The following GPSM1 variants were observed in gnomAD, a reference collection of about 807,000 sequenced individuals.
GPSM1 encodes the protein G protein signaling modulator 1.
In GPSM1, 48 loss-of-function variants were observed where a neutral mutation model predicts 70.5. The ratio of observed to expected loss-of-function variants is 0.68; its 90% CI spans 0.54 to 0.87. The LOEUF is 0.87. Among genes scored for constraint, GPSM1 ranks in the 40% least tolerant of loss-of-function variants. The probability of loss-of-function intolerance (pLI) is 0.00; values close to 1 mark genes in which losing one functional copy is unlikely to be tolerated. For synonymous variants in GPSM1, 416 were observed against 430.1 expected, an observed-to-expected ratio of 0.97 and a Z score of 0.41; for missense variants, 981 against 972.6, an observed-to-expected ratio of 1.01 and a Z score of -0.11.
At chr9:136,338,738 A>G (rs1832314308) in intron 7 of GPSM1, 28 bp downstream of exon 7, 1 of 1,524,182 alleles carries the variant, frequency 6.6e-7, no homozygotes, top group African/African-American at 1.4e-5. Context: ...CGGCGGGCAG[A>G]CCCGGCCCGG....
intron 3 of GPSM1, 99 bp from the exon 4 acceptor site, chr9:136,336,822 C>A: frequency 8.3e-7 from 1 of 1,211,458 alleles, no homozygotes; most frequent in Non-Finnish European, 1.1e-6. Flanking sequence ...AAGGCCCTCG[C>A]TGTCGAGGGC....
Position 136,358,818 on chromosome 9 carries a change from C to A in GPSM1, c.*598C>A, listed in dbSNP as rs1832917466. 6.4e-6 allele frequency: 1 copy of A among 156,430 alleles called. No homozygotes were observed. Among genetic ancestry groups the A allele is most frequent in the Non-Finnish European group, 1.4e-5 (1 of 71,310 alleles). 9.7% of individuals were successfully genotyped at this position (156,430 alleles called of 1,614,324 possible). On this transcript the variant is annotated 3_prime_UTR_variant, in exon 14 of 14. Transcript: ENST00000440944. The stretch of plus-strand genomic sequence containing the variant: ...GGCTGCAGTGGCAGCCCTGAGGTGC[C>A]CCCCGCCGAGTCCCAGGGCCCTGCA...
rs1440764295 is a variant in GPSM1, at chr9:136,344,191, G to T, written c.1207+3198G>T. ...GGGGGGAGGCGCGGACAGGAGCGGGGGGAGGCGCGGACAGGAGCGGGGTGG... is the reference window on the plus strand; with the variant it reads ...GGGGGGAGGCGCGGACAGGAGCGGGTGGAGGCGCGGACAGGAGCGGGGTGG... On this transcript the variant is annotated intron_variant, in intron 9 of 13. Transcript: ENST00000440944. Among the ~76,000 whole-genome samples, 4 of 149,070 alleles carry T rather than the reference G, an allele frequency of 2.7e-5. No individual in the cohort carries two copies. In the East Asian group the frequency reaches 8.0e-4, roughly 30 times the overall value.
Position 136,327,768 on chromosome 9 carries a change from G to T in GPSM1, c.68+5G>T. On this transcript the variant is annotated splice_donor_5th_base_variant and intron_variant, in intron 1 of 13. Coordinates refer to ENST00000440944, the MANE Select transcript of GPSM1 (RefSeq NM_001145638.3). The stretch of plus-strand genomic sequence containing the variant: ...CGCCAGGCGCCTCTACTCCAGGTAG[G>T]ACGGGCCGGGGCCGGGGCCGGGGCC... 1 of 1,155,366 alleles carries T rather than the reference G, an allele frequency of 8.7e-7. No individual in the cohort carries two copies. The highest frequency in any genetic ancestry group is 1.1e-6 in the Non-Finnish European group (1 of 932,114). 71.6% of individuals were successfully genotyped at this position (1,155,366 alleles called of 1,614,324 possible).
At chr9:136,345,008 T>G (rs1832486613) in intron 9 of GPSM1, among the ~76,000 whole-genome samples, 1 of 149,020 alleles carries the variant, frequency 6.7e-6, no homozygotes, top group African/African-American at 2.5e-5. Context: ...TCCAGGGAGG[T>G]GAGGAGGGGT....
At chr9:136,337,756 G>C (rs1015492555) in intron 5 of GPSM1, 90 bp from the exon 6 acceptor site, 2 of 1,113,358 alleles carry the variant, frequency 1.8e-6, no homozygotes, top group East Asian at 5.0e-5. Flanking sequence ...ATCTCTGGCC[G>C]GCCACCTGGG....
At chr9:136,335,095 G>A (rs942671730) in intron 2 of GPSM1, among the ~76,000 whole-genome samples, 4 of 152,162 alleles carry the variant, frequency 2.6e-5, no homozygotes, top group Non-Finnish European at 5.9e-5. Flanking sequence ...GCTGTGACCC[G>A]CGTGCTGTGC....
At chr9:136,337,808 T>C (rs2131398245) in intron 5 of GPSM1, 38 bp from the exon 6 acceptor site, 1 of 1,501,526 alleles carries the variant, frequency 6.7e-7, no homozygotes, top group Non-Finnish European at 9.3e-7. Context: ...GCCCCGGGGC[T>C]GCGCCATGAC....
rs184353876 is a variant in GPSM1 at position 136,329,299 on chromosome 9, C to A, written c.68+1536C>A. 5.3e-5 allele frequency among the ~76,000 whole-genome samples: 8 copies of A among 152,270 alleles called. No individual in the cohort carries two copies. The South Asian group carries it at 1.7e-3, about 32-fold the overall frequency. On this transcript the variant is annotated intron_variant, in intron 1 of 13. Coordinates refer to ENST00000440944, the MANE Select transcript of GPSM1 (RefSeq NM_001145638.3). The stretch of plus-strand genomic sequence containing the variant: ...AGCAGGGCCTGTGACGAGGTCCCCC[C>A]GGGAGTCTGCACCCCACCGTGTAGC...
intron 11 of GPSM1, among the ~76,000 whole-genome samples, chr9:136,352,679 A>G (rs1832703978): frequency 6.6e-6 from 1 of 152,202 alleles, no homozygotes; most frequent in South Asian, 2.1e-4. Context: ...CAACCCGCCC[A>G]GGTCCTCTGC....
At chr9:136,345,514 G>A (rs1554771137) in intron 9 of GPSM1, among the ~76,000 whole-genome samples, 2 of 152,224 alleles carry the variant, frequency 1.3e-5, no homozygotes, top group African/African-American at 2.4e-5. Flanking sequence ...CGCAGGCTGT[G>A]TCTCAGAAGA....
chr9:136,345,212 A>G (rs1832492746), intron 9 of GPSM1, among the ~76,000 whole-genome samples: 1 of 152,214 alleles, frequency 6.6e-6, no homozygotes, highest in African/African-American at 2.4e-5. Flanking sequence ...GCCATTGCAC[A>G]TAAACGTCTG....
At position 136,338,726 on chromosome 9, in the gene GPSM1, C is replaced by T. The variant is rs185595283; in HGVS notation, c.974+16C>T. On this transcript the variant is annotated intron_variant, in intron 7 of 13. Coordinates refer to ENST00000440944, the MANE Select transcript of GPSM1 (RefSeq NM_001145638.3). ...TGGCCGACAGGTGCGTGGGCGCGGA[C>T]GCGGCGGGCAGACCCGGCCCGGCCC... 4.1e-4 allele frequency: 635 copies of T among 1,535,808 alleles called. 2 individuals are homozygous for T. The highest frequency in any genetic ancestry group is 3.8e-3 in the Middle Eastern group (18 of 4,712).
rs1231552672 is a variant in GPSM1 at position 136,327,684 on chromosome 9, C to T, written c.-12C>T. 1.4e-4 allele frequency: 154 copies of T among 1,088,540 alleles called. No homozygotes were observed. Among genetic ancestry groups the T allele is most frequent in the Non-Finnish European group, 1.7e-4 (148 of 890,802 alleles). The allele number at this position is 1,088,540 out of a possible 1,614,324, so 67.4% of individuals were successfully genotyped here. ...GGGGCGCTCCCGGCTCCCGCTCCCG[C>T]GTCCCCGACCCATGGCGGGCCCGGC... is the stretch of plus-strand genomic sequence containing the variant. On this transcript the variant is annotated 5_prime_UTR_variant, in exon 1 of 14. Transcript: ENST00000440944.
chr9:136,358,115 G>A lies in GPSM1; in HGVS notation c.1923G>A (p.Gln641=), dbSNP rs782038333. 1 of 1,612,412 alleles carries A rather than the reference G, an allele frequency of 6.2e-7. No homozygotes were observed. The highest frequency in any genetic ancestry group is 8.5e-7 in the Non-Finnish European group (1 of 1,179,682). The change falls in exon 14 of 14, where the codon CAG becomes CAA. Residue 641 remains glutamine, a synonymous_variant. Transcript: ENST00000440944. ...EDFFSLIQRV[Q]AKRMDEQRVD... is the part of the protein sequence containing the mutation. ...TCTTCAGCCTCATTCAGAGGGTGCA[G>A]GCTAAGCGCATGGACGAGCAGCGGG...
intron 11 of GPSM1, 68 bp downstream of exon 11, chr9:136,349,831 C>T: frequency 7.0e-7 from 1 of 1,433,722 alleles, no homozygotes; most frequent in Non-Finnish European, 9.3e-7. Context: ...CCCAACTCCA[C>T]TGCCAGCCAA....
intron 9 of GPSM1, among the ~76,000 whole-genome samples, chr9:136,345,725 G>A (rs1456448208): frequency 6.6e-6 from 1 of 152,162 alleles, no homozygotes; most frequent in Non-Finnish European, 1.5e-5. Context: ...CGGGGCTCTC[G>A]CTGGGTGTGG....
rs1554769707 is a variant in GPSM1, at chr9:136,338,695, A to G, written c.959A>G (p.Gln320Arg). 1.9e-6 allele frequency: 3 copies of G among 1,559,522 alleles called. No individual in the cohort carries two copies. Among genetic ancestry groups the G allele is most frequent in the Non-Finnish European group, 2.6e-6 (3 of 1,153,490 alleles). Residue 320 changes from glutamine (Q) to arginine (R), a missense_variant, in exon 7 of 14, where the codon CAG becomes CGG. By Grantham distance (43) the Gln-to-Arg change is conservative. Transcript: ENST00000440944. The stretch of plus-strand genomic sequence containing the variant: ...CACCTGCGGCACCTGCTCATTGCCC[A>G]GGAGCTGGCCGACAGGTGCGTGGGC... ...EYHLRHLLIA[Q>R]ELADRVGEGR...
chr9:136,351,008 C>A (rs28378473), intron 11 of GPSM1, among the ~76,000 whole-genome samples: 1 of 152,082 alleles, frequency 6.6e-6, no homozygotes, highest in Non-Finnish European at 1.5e-5. Context: ...ACCGATGGGC[C>A]GAGTCCGGGT....
Sources: gnomAD v4.1 joint callset for allele counts (sites outside exome capture counted in the v4.1 genomes callset) on GRCh38, gnomAD v4.1.1 for gene constraint, MANE v1.5 for transcripts, NCBI Gene and HGNC (gene_info 2026-07-23, HGNC 2026-07-21) for gene names.